The following WWC1 variants were observed in gnomAD, a reference collection of about 807,000 sequenced individuals.
WWC1 encodes the protein protein KIBRA.
In WWC1, 55 loss-of-function variants were observed where a neutral mutation model predicts 138.4. That is an observed-to-expected ratio of 0.40 (90% CI 0.32 to 0.50). The LOEUF is 0.50. WWC1 is among the 20% of genes least tolerant of loss of function. The pLI is 0.72. For synonymous variants in WWC1, 524 were observed against 564.9 expected (o/e 0.93, Z 1.03); for missense variants, 1,226 against 1,420.4 (o/e 0.86, Z 2.20).
In WWC1 at chr5:168,344,137, A is replaced by G. The variant is rs145320976; in HGVS notation, c.120-27287A>G. ...CACCTAGAACAGTCATAATGGGGCA[A>G]TGGGAATGTATTGATTGTCACTGTT... On this transcript the variant is annotated intron_variant, in intron 1 of 22. Coordinates refer to ENST00000265293, the MANE Select transcript of WWC1 (RefSeq NM_015238.3). 3.8e-3 allele frequency among the ~76,000 whole-genome samples: 580 copies of G among 152,298 alleles called. 1 individual carries two copies. The highest frequency in any genetic ancestry group is 6.8e-3 in the Middle Eastern group (2 of 294).
At chr5:168,386,448 A>G (rs542184660) in intron 3 of WWC1, among the ~76,000 whole-genome samples, 7 of 149,332 alleles carry the variant, frequency 4.7e-5, no homozygotes, top group Non-Finnish European at 8.9e-5. Flanking sequence ...GCTGGAGTGC[A>G]GTGGCGCGAT....
intron 8 of WWC1, chr5:168,412,212 C>T: frequency 7.1e-6 from 7 of 984,846 alleles, no homozygotes; most frequent in Non-Finnish European, 8.4e-6. Context: ...CTTCCTAGCT[C>T]ATCTGACTTT....
chr5:168,340,057 CT>C (rs1169286316), intron 1 of WWC1, among the ~76,000 whole-genome samples: 1 of 133,568 alleles, frequency 7.5e-6, no homozygotes, highest in Non-Finnish European at 1.6e-5. Context: ...TTCTTTCTTT[CT>C]TTTCTTTTCT....
Position 168,465,548 on chromosome 5 carries a change from CTTTT to C in WWC1, c.3150+611_3150+614del, listed in dbSNP as rs10527141. ...CACACAAAGTTTTATATCAGCTGGG[CTTTT>C]TTTTTTTTTTTTTTTTTTTTTTTTG... On this transcript the variant is annotated intron_variant, in intron 21 of 22. Transcript: ENST00000265293. Among the ~76,000 whole-genome samples the C allele has an allele frequency of 2.1e-3, 97 of 46,940 alleles. 14 individuals are homozygous for C. Among genetic ancestry groups the C allele is most frequent in the Admixed American group, 5.4e-3 (16 of 2,968 alleles). The allele number at this position is 46,940 out of a possible 152,430, so 30.8% of individuals were successfully genotyped here. A position where few individuals can be genotyped will look rare whatever the true frequency, so the allele number is the denominator to read the frequency against.
chr5:168,435,009 A>C lies in WWC1; in HGVS notation c.2280+3565A>C, dbSNP rs115307714. On this transcript the variant is annotated intron_variant, in intron 15 of 22. Coordinates refer to ENST00000265293, the MANE Select transcript of WWC1 (RefSeq NM_015238.3). Reference sequence around the variant, plus strand: ...CTCCAACTGAGCAACTGGAAAAAAAAATGCACACAACCACGCTGTATGGTA... The same window carrying C: ...CTCCAACTGAGCAACTGGAAAAAAACATGCACACAACCACGCTGTATGGTA... Among the ~76,000 whole-genome samples the C allele has an allele frequency of 8.0e-3, 1,214 of 152,280 alleles. 7 individuals are homozygous for C. The highest frequency in any genetic ancestry group is 0.026 in the African/African-American group (1,089 of 41,562).
intron 10 of WWC1, among the ~76,000 whole-genome samples, chr5:168,422,872 G>T (rs1397867189): frequency 1.3e-5 from 2 of 152,042 alleles, no homozygotes; most frequent in Non-Finnish European, 2.9e-5. Context: ...TGGGGCAGGC[G>T]TGGTGGCTTA....
rs750311017 is a variant in WWC1 at position 168,292,159 on chromosome 5, C to T, written c.7C>T (p.Arg3Trp). Residue 3 changes from arginine to tryptophan, a missense_variant, in exon 1 of 23, where the codon CGG (arginine) becomes TGG (tryptophan). Physicochemically the swap from Arg to Trp is moderately radical, Grantham distance 101. Coordinates refer to ENST00000265293, the MANE Select transcript of WWC1 (RefSeq NM_015238.3). The surrounding 1 kb of genome is among the most constrained non-coding windows in gnomAD (Gnocchi z 4.4). MPRPELPLPEGWE... is the reference protein window; with the variant it reads MPWPELPLPEGWE... ...GCCGGCAGCGCTTGGGAAGATGCCC[C>T]GGCCGGAGCTGCCCCTGCCGGAGGG... The T allele has an allele frequency of 1.3e-6, 2 of 1,540,070 alleles. No homozygotes were observed. The highest frequency in any genetic ancestry group is 1.2e-5 in the South Asian group (1 of 82,354).
chr5:168,423,507 C>A, intron 10 of WWC1, 26 bp from the exon 11 acceptor site: 1 of 1,589,616 alleles, frequency 6.3e-7, no homozygotes, highest in South Asian at 1.2e-5. Context: ...GTGCATCTCA[C>A]TGTCCTTCCC....
At chr5:168,433,492 G>A (rs1441041598) in intron 15 of WWC1, among the ~76,000 whole-genome samples, 1 of 152,232 alleles carries the variant, frequency 6.6e-6, no homozygotes. Flanking sequence ...GTTAATACCA[G>A]TAGGTTGCAG....
intron 2 of WWC1, among the ~76,000 whole-genome samples, chr5:168,379,380 C>G (rs991820532): frequency 6.6e-6 from 1 of 152,062 alleles, no homozygotes; most frequent in African/African-American, 2.4e-5. Flanking sequence ...CAGTTCAGAA[C>G]TAACGGCATT....
intron 1 of WWC1, among the ~76,000 whole-genome samples, chr5:168,338,605 G>A (rs909300003): frequency 1.3e-5 from 2 of 151,926 alleles, no homozygotes; most frequent in African/African-American, 4.8e-5. Context: ...AGAGACGGGG[G>A]TTTCTCCATG....
At chr5:168,322,959 T>C (rs1454021545) in intron 1 of WWC1, among the ~76,000 whole-genome samples, 1 of 152,242 alleles carries the variant, frequency 6.6e-6, no homozygotes, top group Non-Finnish European at 1.5e-5. Context: ...AGCAACTTCA[T>C]ATTGACAGTG....
At chr5:168,420,514 A>G (rs1561739540) in intron 9 of WWC1, among the ~76,000 whole-genome samples, 2 of 152,152 alleles carry the variant, frequency 1.3e-5, no homozygotes, top group African/African-American at 4.8e-5. Context: ...GGGGACAAAA[A>G]TCAAGCCAGA....
chr5:168,403,948 G>A (rs971791367), intron 5 of WWC1, among the ~76,000 whole-genome samples: 11 of 148,688 alleles, frequency 7.4e-5, no homozygotes, highest in Non-Finnish European at 1.5e-4. Context: ...TTCATTCACC[G>A]TGTGCATAAT....
intron 3 of WWC1, 71 bp from the exon 4 acceptor site, chr5:168,397,653 T>C: frequency 4.6e-6 from 7 of 1,515,884 alleles, no homozygotes; most frequent in Non-Finnish European, 6.4e-6. Flanking sequence ...TTTATTTAGA[T>C]GGCCAATAAG....
intron 1 of WWC1, among the ~76,000 whole-genome samples, chr5:168,320,742 A>T (rs28589509): frequency 6.6e-6 from 1 of 152,008 alleles, no homozygotes; most frequent in African/African-American, 2.4e-5. Context: ...GGCTGAAATG[A>T]GATGGTGGCT....
chr5:168,424,592 G>A (rs1162089221), intron 11 of WWC1, among the ~76,000 whole-genome samples: 4 of 152,198 alleles, frequency 2.6e-5, no homozygotes, highest in Non-Finnish European at 5.9e-5. Context: ...TGACATTTGA[G>A]GGTGTCTTGA....
intron 21 of WWC1, among the ~76,000 whole-genome samples, chr5:168,466,821 G>A (rs1257580650): frequency 6.6e-6 from 1 of 151,914 alleles, no homozygotes; most frequent in Non-Finnish European, 1.5e-5. Flanking sequence ...GTGCCTATGT[G>A]CCCTACCTTA....
intron 3 of WWC1, among the ~76,000 whole-genome samples, chr5:168,391,259 G>C (rs1007224163): frequency 6.6e-6 from 1 of 152,032 alleles, no homozygotes; most frequent in Non-Finnish European, 1.5e-5. Flanking sequence ...TTGAAGCCAG[G>C]CTTGGTGGCA....
Sources: allele counts gnomAD v4.1 joint callset (sites outside exome capture counted in the v4.1 genomes callset), GRCh38; gene constraint gnomAD v4.1.1; non-coding constraint Gnocchi (gnomAD v3.1); transcripts MANE v1.5; gene names NCBI Gene and HGNC (gene_info 2026-07-23, HGNC 2026-07-21).